The following MATN2 variants were observed in gnomAD, a reference collection of about 807,000 sequenced individuals.
MATN2 encodes the protein matrilin 2, also known as matrilin-2.
Under a neutral mutation model 103.2 loss-of-function variants are expected in MATN2, and 69 were observed. That is an observed-to-expected ratio of 0.67 (90% CI 0.55 to 0.82). The LOEUF (loss-of-function observed/expected upper bound fraction) is 0.82. MATN2 is among the 40% of genes least tolerant of loss of function. The pLI is 0.00. For missense variants in MATN2, 1,023 were observed against 1,211.5 expected, an observed-to-expected ratio of 0.84 and a Z score of 2.31; for synonymous variants, 429 against 450.2, an observed-to-expected ratio of 0.95 and a Z score of 0.60.
chr8:97,993,264 T>A (rs1812459527), intron 6 of MATN2, among the ~76,000 whole-genome samples: 2 of 152,196 alleles, frequency 1.3e-5, no homozygotes, highest in Admixed American at 6.5e-5. Flanking sequence ...GGAACTCTCA[T>A]TTATACCAAA....
At chr8:98,004,357 G>A (rs888822360) in intron 8 of MATN2, 15 of 155,464 alleles carry the variant, frequency 9.6e-5, no homozygotes, top group Admixed American at 2.5e-4. Flanking sequence ...CTCAATAAAT[G>A]TTAACTAATA....
chr8:97,883,014 A>G (rs906567349), intron 1 of MATN2, among the ~76,000 whole-genome samples: 20 of 152,268 alleles, frequency 1.3e-4, no homozygotes, highest in African/African-American at 4.6e-4. Context: ...AAGAGTTTAC[A>G]TAGTCCCGGC....
intron 5 of MATN2, among the ~76,000 whole-genome samples, chr8:97,965,819 A>G (rs1046932987): frequency 1.3e-5 from 2 of 151,036 alleles, no homozygotes; most frequent in Non-Finnish European, 3.0e-5. Context: ...CATCTCTACT[A>G]AAAAAAAATA....
intron 14 of MATN2, among the ~76,000 whole-genome samples, chr8:98,029,030 G>A (rs1225398620): frequency 2.0e-5 from 3 of 152,250 alleles, no homozygotes; most frequent in African/African-American, 7.2e-5. Context: ...CAGTAGATGT[G>A]TGACAACTAC....
chr8:97,918,859 C>A (rs942227391), intron 2 of MATN2, among the ~76,000 whole-genome samples: 2 of 152,220 alleles, frequency 1.3e-5, no homozygotes, highest in African/African-American at 4.8e-5. Flanking sequence ...AATCCCCTGA[C>A]TGTGCACTTG....
chr8:98,032,410 T>A (rs1393026076), intron 16 of MATN2, 93 bp downstream of exon 16: 1 of 947,740 alleles, frequency 1.1e-6, no homozygotes, highest in African/African-American at 1.7e-5. Context: ...AATGTAAGTA[T>A]GTTCAAATTA....
chr8:98,029,469 T>C (rs1180579390), intron 14 of MATN2, among the ~76,000 whole-genome samples: 1 of 152,216 alleles, frequency 6.6e-6, no homozygotes, highest in Non-Finnish European at 1.5e-5. Flanking sequence ...AAACTGATGT[T>C]TACTTGATTC....
In MATN2 at chr8:98,026,929, T is replaced by C. The variant is rs1278924072; in HGVS notation, c.1943-487T>C. ...TTGAATAAATTAGTAGTGTTTGGGG[T>C]ATATAGAAAGCAATACAAGCTGAGT... is the stretch of plus-strand genomic sequence containing the variant. On this transcript the variant is annotated intron_variant, in intron 13 of 18. Transcript: ENST00000254898. Among the ~76,000 whole-genome samples, 6 of 152,216 alleles carry C rather than the reference T, an allele frequency of 3.9e-5. No homozygotes were observed. The East Asian group carries it at 7.7e-4, about 20-fold the overall frequency.
chr8:98,012,217 G>A (rs1176914432), intron 10 of MATN2, among the ~76,000 whole-genome samples: 3 of 152,006 alleles, frequency 2.0e-5, no homozygotes, highest in African/African-American at 4.8e-5. Context: ...CATTGTGCGG[G>A]GTGCTGGGGA....
At chr8:97,890,970 G>A (rs1049164023) in intron 2 of MATN2, among the ~76,000 whole-genome samples, 4 of 152,134 alleles carry the variant, frequency 2.6e-5, no homozygotes, top group Non-Finnish European at 4.4e-5. Flanking sequence ...AAAAAATAAC[G>A]CATGTATATA....
At chr8:98,006,988 G>A in intron 8 of MATN2, 117 bp from the exon 9 acceptor site, 1 of 1,082,420 alleles carries the variant, frequency 9.2e-7, no homozygotes, top group Non-Finnish European at 1.3e-6. Flanking sequence ...GTGATGTGGG[G>A]TAGAATGACA....
chr8:97,999,890 AT>A (rs1812723538), intron 7 of MATN2, among the ~76,000 whole-genome samples: 2 of 139,630 alleles, frequency 1.4e-5, no homozygotes, highest in African/African-American at 5.4e-5. Context: ...TAATTTTTTA[AT>A]TTTTTTAAAG....
chr8:98,023,293 CTT>C (rs150216596), intron 13 of MATN2, among the ~76,000 whole-genome samples: 20,685 of 151,916 alleles, frequency 0.14, 1,793 homozygotes, highest in East Asian at 0.43. Flanking sequence ...TATATAAACT[CTT>C]TGAGTCCCAG....
At chr8:97,956,323 A>G (rs1422980878) in intron 4 of MATN2, among the ~76,000 whole-genome samples, 3 of 152,090 alleles carry the variant, frequency 2.0e-5, no homozygotes, top group Non-Finnish European at 4.4e-5. Flanking sequence ...GATTACAGGC[A>G]CCTGCCACCA....
At chr8:97,951,096 C>T (rs1810935592) in intron 4 of MATN2, 1 of 152,244 alleles carries the variant, frequency 6.6e-6, no homozygotes, top group African/African-American at 2.4e-5. Flanking sequence ...ATGGCAGCCA[C>T]CTGAGCTGTG....
rs1468850765 is a variant in MATN2, at chr8:98,027,475, G to A, written c.2002G>A (p.Glu668Lys). The change falls in exon 14 of 19, where the codon GAA (glutamate) becomes AAA (lysine). Residue 668 changes from glutamate (E) to lysine (K), a missense_variant. By Grantham distance (56) the Glu-to-Lys change is moderately conservative. Coordinates refer to ENST00000254898, the MANE Select transcript of MATN2 (RefSeq NM_002380.5). ...FVIDGSKSLG[E>K]ENFEVVKQFV... ...GATCGATGGATCCAAGAGTCTTGGA[G>A]AAGAGAATTTTGAGGTCGTGAAGCA... The A allele has an allele frequency of 1.9e-6, 3 of 1,613,916 alleles. No individual in the cohort carries two copies. The South Asian group carries it at 3.3e-5, about 18-fold the overall frequency.
chr8:97,986,193 A>C (rs1812187521), intron 6 of MATN2, among the ~76,000 whole-genome samples: 1 of 152,224 alleles, frequency 6.6e-6, no homozygotes, highest in East Asian at 1.9e-4. Flanking sequence ...TTAACATTTT[A>C]AGTCTTTTGA....
intron 2 of MATN2, among the ~76,000 whole-genome samples, chr8:97,915,825 G>C (rs1013609383): frequency 6.6e-6 from 1 of 151,990 alleles, no homozygotes; most frequent in Admixed American, 6.6e-5. Flanking sequence ...TTGTTTCCTG[G>C]TGCTTTCTGC....
At position 97,883,755 on chromosome 8, in the gene MATN2, C is replaced by T. The variant is rs530875779; in HGVS notation, c.-26-4320C>T. ...ATTTTTAGTAGAGACGGGGTTTCAC[C>T]GTGTTAACCAGGATGGTCTCGATCT... On this transcript the variant is annotated intron_variant, in intron 1 of 18. Transcript: ENST00000254898. Among the ~76,000 whole-genome samples, 22 of 152,176 alleles carry T rather than the reference C, an allele frequency of 1.4e-4. 1 individual carries two copies. The East Asian group carries it at 3.7e-3, about 25-fold the overall frequency.
Sources: allele counts gnomAD v4.1 joint callset (sites outside exome capture counted in the v4.1 genomes callset), GRCh38; gene constraint gnomAD v4.1.1; transcripts MANE v1.5; gene names NCBI Gene and HGNC (gene_info 2026-07-23, HGNC 2026-07-21).